The following B4GALNT4 variants were observed in gnomAD, a reference collection of about 807,000 sequenced individuals.
B4GALNT4 encodes the protein N-acetyl-beta-glucosaminyl-glycoprotein 4-beta-N-acetylgalactosaminyltransferase 1.
In B4GALNT4, 77 loss-of-function variants were observed where a neutral mutation model predicts 110.0. That is an observed-to-expected ratio of 0.70 (90% CI 0.58 to 0.85). The LOEUF is 0.85. Among genes scored for constraint, B4GALNT4 ranks in the 40% least tolerant of loss-of-function variants. The pLI, the probability that B4GALNT4 is intolerant of heterozygous loss-of-function variation, is 0.00. For synonymous variants in B4GALNT4, 785 were observed against 655.5 expected, an observed-to-expected ratio of 1.20 and a Z score of -3.02; for missense variants, 1,575 against 1,506.0, an observed-to-expected ratio of 1.05 and a Z score of -0.76.
chr11:374,087 C>T (rs144724187), intron 8 of B4GALNT4, among the ~76,000 whole-genome samples: 21 of 151,166 alleles, frequency 1.4e-4, no homozygotes, highest in African/African-American at 3.9e-4. Flanking sequence ...GTGGGGTGTA[C>T]GGCGGATGAA....
chr11:381,592 C>A, intron 19 of B4GALNT4, 77 bp from the exon 20 acceptor site: 1 of 1,191,628 alleles, frequency 8.4e-7, no homozygotes, highest in Non-Finnish European at 1.1e-6. Context: ...CACCTCTCCG[C>A]CCCCGGCCCC....
chr11:376,549 C>T lies in B4GALNT4; in HGVS notation c.1426C>T (p.Pro476Ser). ...CGCCCAGCCCGGAGCCACCCTCGCCCCGCCGACCCCTCCCCGCCCCCGGGA... is the reference window on the plus strand; with the variant it reads ...CGCCCAGCCCGGAGCCACCCTCGCCTCGCCGACCCCTCCCCGCCCCCGGGA... Reference protein sequence around the residue: ...APAQPGATLAPPTPPRPRDGG... With the variant: ...APAQPGATLASPTPPRPRDGG... The change falls in exon 14 of 20, where the codon CCG becomes TCG. Residue 476 changes from proline (P) to serine (S), a missense_variant. Coordinates refer to ENST00000329962, the MANE Select transcript of B4GALNT4 (RefSeq NM_178537.5). 4 of 1,381,742 alleles carry T rather than the reference C, an allele frequency of 2.9e-6. No homozygotes were observed. Among genetic ancestry groups the T allele is most frequent in the Non-Finnish European group, 3.7e-6 (4 of 1,078,436 alleles). The allele number at this position is 1,381,742 out of a possible 1,614,324, so 85.6% of individuals were successfully genotyped here. A position where few individuals can be genotyped will look rare whatever the true frequency, so the allele number is the denominator to read the frequency against.
Position 373,843 on chromosome 11 carries a change from C to A in B4GALNT4, c.783+15C>A, listed in dbSNP as rs1382497237. The A allele has an allele frequency of 1.2e-6, 2 of 1,610,530 alleles. No individual in the cohort carries two copies. Among genetic ancestry groups the A allele is most frequent in the African/African-American group, 1.3e-5 (1 of 74,884 alleles). ...TGGAAGTGGGCGTGAGTGCCTTCCT[C>A]CCCTGGGGGCTTCTGGAGACTCCAC... On this transcript the variant is annotated intron_variant, in intron 8 of 19. Coordinates refer to ENST00000329962, the MANE Select transcript of B4GALNT4 (RefSeq NM_178537.5).
intron 14 of B4GALNT4, among the ~76,000 whole-genome samples, chr11:377,794 C>G (rs1023957168): frequency 6.6e-6 from 1 of 152,238 alleles, no homozygotes; most frequent in Non-Finnish European, 1.5e-5. Context: ...TGTCAGGACC[C>G]GACTGCAGAG....
chr11:376,884 G>T lies in B4GALNT4; in HGVS notation c.1761G>T (p.Pro587=). ...CCGGCGGCCCCCAGGCCACACAGCCGAGGCCCCCAGCCCGGGCGCAGGCCA... is the reference window on the plus strand; with the variant it reads ...CCGGCGGCCCCCAGGCCACACAGCCTAGGCCCCCAGCCCGGGCGCAGGCCA... ...RRTGGPQATQ[P]RPPARAQATQ... The change falls in exon 14 of 20, where the codon CCG becomes CCT. Residue 587 remains proline (P), a synonymous_variant. Transcript: ENST00000329962. 1 of 1,350,144 alleles carries T rather than the reference G, an allele frequency of 7.4e-7. No homozygotes were observed. The highest frequency in any genetic ancestry group is 9.5e-7 in the Non-Finnish European group (1 of 1,053,772). 83.6% of individuals were successfully genotyped at this position (1,350,144 alleles called of 1,614,324 possible).
chr11:373,419 C>CCCA lies in B4GALNT4; in HGVS notation c.637-30_637-29insCCA, dbSNP rs10624593. On this transcript the variant is annotated intron_variant, in intron 6 of 19. Coordinates refer to ENST00000329962, the MANE Select transcript of B4GALNT4 (RefSeq NM_178537.5). ...CAGGGAGAGAGTGAACCCCCCCCCC[C>CCCA]ACCACCACCCCTGCTCTATCACCCC... 17 of 1,084,218 alleles carry CCCA rather than the reference C, an allele frequency of 1.6e-5. 2 individuals are homozygous for CCCA. Among genetic ancestry groups the CCCA allele is most frequent in the African/African-American group, 1.3e-4 (6 of 46,184 alleles). The allele number at this position is 1,084,218 out of a possible 1,614,324, so 67.2% of individuals were successfully genotyped here. A position where few individuals can be genotyped will look rare whatever the true frequency, so the allele number is the denominator to read the frequency against.
rs1035690036 is a variant in B4GALNT4, at chr11:376,172, G to A, written c.1194G>A (p.Glu398=). ...CFYRESPLYL[E]RFGFYKYMKM... The stretch of plus-strand genomic sequence containing the variant: ...ACCGCGAGTCTCCGCTGTATCTGGA[G>A]AGGTGGGCGCGCGGCCGGGCTAATG... The change falls in exon 12 of 20, where the codon GAG becomes GAA. Residue 398 remains glutamate, a splice_region_variant and synonymous_variant. Transcript: ENST00000329962. 1 of 1,610,450 alleles carries A rather than the reference G, an allele frequency of 6.2e-7. No homozygotes were observed. The highest frequency in any genetic ancestry group is 1.1e-5 in the South Asian group (1 of 90,982).
Position 372,123 on chromosome 11 carries a change from A to C in B4GALNT4, c.166A>C (p.Thr56Pro). The change falls in exon 2 of 20, where the codon ACC becomes CCC. Residue 56 changes from threonine to proline, a missense_variant. Transcript: ENST00000329962. Reference protein sequence around the residue: ...LGYGRDGEKLTSETDGRGVHA... With the variant: ...LGYGRDGEKLPSETDGRGVHA... ...GCCACCTGCAGATGGTGAGAAGCTGACCAGTGAGACCGACGGCCGGGGGGT... is the reference window on the plus strand; with the variant it reads ...GCCACCTGCAGATGGTGAGAAGCTGCCCAGTGAGACCGACGGCCGGGGGGT... 1.3e-6 allele frequency: 2 copies of C among 1,549,430 alleles called. No homozygotes were observed. The highest frequency in any genetic ancestry group is 1.7e-6 in the Non-Finnish European group (2 of 1,146,788).
intron 15 of B4GALNT4, 68 bp downstream of exon 15, chr11:379,769 A>G: frequency 2.0e-6 from 3 of 1,506,396 alleles, no homozygotes; most frequent in Non-Finnish European, 2.7e-6. Flanking sequence ...ATGACTAGGA[A>G]AGGGTGTGGG....
rs755853527 is a variant in B4GALNT4 at position 376,656 on chromosome 11, T to C, written c.1533T>C (p.Ala511=). Residue 511 remains alanine, a synonymous_variant, in exon 14 of 20, where the codon GCT becomes GCC. Transcript: ENST00000329962. ...ARPLPLFLGR[A]PPPRPAVEQP... is the part of the protein sequence containing the mutation. Reference sequence around the variant, plus strand: ...CTTTGCCGCTCTTCTTGGGCCGAGCTCCGCCCCCGCGCCCTGCAGTGGAGC... The same window carrying C: ...CTTTGCCGCTCTTCTTGGGCCGAGCCCCGCCCCCGCGCCCTGCAGTGGAGC... 9.9e-5 allele frequency: 141 copies of C among 1,429,178 alleles called. No homozygotes were observed. Among genetic ancestry groups the C allele is most frequent in the Non-Finnish European group, 1.2e-4 (132 of 1,093,606 alleles). The allele number at this position is 1,429,178 out of a possible 1,614,324, so 88.5% of individuals were successfully genotyped here. A position where few individuals can be genotyped will look rare whatever the true frequency, so the allele number is the denominator to read the frequency against.
chr11:375,669 C>T lies in B4GALNT4; in HGVS notation c.881C>T (p.Ala294Val). Residue 294 changes from alanine (A) to valine (V), a missense_variant, in exon 10 of 20, where the codon GCG becomes GTG. Coordinates refer to ENST00000329962, the MANE Select transcript of B4GALNT4 (RefSeq NM_178537.5). ...DESALKMDHV[A>V]HVPQSPASHV... ...TCAGCCTTGAAGATGGACCACGTGG[C>T]GCACGTCCCCCAGTCTCCAGCCAGC... is the stretch of plus-strand genomic sequence containing the variant. The T allele has an allele frequency of 6.3e-7, 1 of 1,591,068 alleles. No homozygotes were observed. The highest frequency in any genetic ancestry group is 8.5e-7 in the Non-Finnish European group (1 of 1,173,230).
At chr11:370,017 C>CGT (rs1846585864) in intron 1 of B4GALNT4, 63 bp downstream of exon 1, 1 of 59,662 alleles carries the variant, frequency 1.7e-5, no homozygotes, top group Non-Finnish European at 3.3e-5. Context: ...GCGGGGGGCG[C>CGT]GGGCGGCGCG....
rs772966178 is a variant in B4GALNT4, at chr11:380,494, G to A, written c.2869+49G>A. ...TGTGATACCAGGGTTCCCACCAACC[G>A]CCGCGGTAAAGTCCAGGAACCCGGG... On this transcript the variant is annotated intron_variant, in intron 18 of 19. Coordinates refer to ENST00000329962, the MANE Select transcript of B4GALNT4 (RefSeq NM_178537.5). 4.5e-6 allele frequency: 7 copies of A among 1,538,798 alleles called. No individual in the cohort carries two copies. The African/African-American group carries it at 6.9e-5, about 15-fold the overall frequency.
rs755329471 is a variant in B4GALNT4, at chr11:377,132, C to G, written c.2009C>G (p.Pro670Arg). 6 of 1,511,142 alleles carry G rather than the reference C, an allele frequency of 4.0e-6. No homozygotes were observed. The highest frequency in any genetic ancestry group is 5.3e-6 in the Non-Finnish European group (6 of 1,130,876). The allele number at this position is 1,511,142 out of a possible 1,614,324, so 93.6% of individuals were successfully genotyped here. A position where few individuals can be genotyped will look rare whatever the true frequency, so the allele number is the denominator to read the frequency against. ...ASEDSEEAAG[P>R]ALGRWREDAI... ...GAGGACAGCGAGGAGGCCGCGGGCC[C>G]GGCGCTCGGACGCTGGCGTGAGGAC... The change falls in exon 14 of 20, where the codon CCG becomes CGG. Residue 670 changes from proline to arginine, a missense_variant. Coordinates refer to ENST00000329962, the MANE Select transcript of B4GALNT4 (RefSeq NM_178537.5).
intron 9 of B4GALNT4, 27 bp downstream of exon 9, chr11:375,554 G>T: frequency 6.2e-7 from 1 of 1,607,190 alleles, no homozygotes; most frequent in East Asian, 2.2e-5. Context: ...CTGGGGATGT[G>T]GGGCTCCTCG....
rs1437706935 is a variant in B4GALNT4, at chr11:372,128, T to C, written c.171T>C (p.Ser57=). ...GYGRDGEKLT[S]ETDGRGVHAA... ...CTGCAGATGGTGAGAAGCTGACCAG[T>C]GAGACCGACGGCCGGGGGGTCCACG... is the stretch of plus-strand genomic sequence containing the variant. The change falls in exon 2 of 20, where the codon AGT becomes AGC. Residue 57 remains serine, a synonymous_variant. Coordinates refer to ENST00000329962, the MANE Select transcript of B4GALNT4 (RefSeq NM_178537.5). The C allele has an allele frequency of 6.5e-7, 1 of 1,549,292 alleles. No homozygotes were observed. Among genetic ancestry groups the C allele is most frequent in the Admixed American group, 2.0e-5 (1 of 50,990 alleles).
Position 373,236 on chromosome 11 carries a change from G to A in B4GALNT4, c.581G>A (p.Trp194Ter). The A allele has an allele frequency of 6.2e-7, 1 of 1,612,200 alleles. No individual in the cohort carries two copies. The highest frequency in any genetic ancestry group is 8.5e-7 in the Non-Finnish European group (1 of 1,179,576). ...SVASDDNSEF[W>*]LSLDESPAAA... Reference sequence around the variant, plus strand: ...GCCTCAGACGACAACTCGGAGTTCTGGCTGAGTCTGGACGAGAGCCCTGCT... The same window carrying A: ...GCCTCAGACGACAACTCGGAGTTCTAGCTGAGTCTGGACGAGAGCCCTGCT... Residue 194 changes from tryptophan (W) to a stop codon, truncating the protein, a stop_gained, in exon 6 of 20, where the codon TGG becomes TAG. Transcript: ENST00000329962. LOFTEE classifies it high-confidence loss of function.
At position 369,786 on chromosome 11, in the gene B4GALNT4, G is replaced by T. The variant is rs960001675; in HGVS notation, c.-18G>T. ...GCGGCGCCGCTGAGCGCGGCCTGGG[G>T]CGGGCGCGGCGGCCGCGATGCCGCG... On this transcript the variant is annotated 5_prime_UTR_variant, in exon 1 of 20. Transcript: ENST00000329962. The T allele has an allele frequency of 1.1e-5, 11 of 977,340 alleles. No individual in the cohort carries two copies. The Admixed American group carries it at 5.8e-4, about 51-fold the overall frequency. 60.5% of individuals were successfully genotyped at this position (977,340 alleles called of 1,614,324 possible).
rs756988266 is a variant in B4GALNT4 at position 372,742 on chromosome 11, A to C, written c.336A>C (p.Pro112=). 45 of 1,468,902 alleles carry C rather than the reference A, an allele frequency of 3.1e-5. No individual in the cohort carries two copies. The highest frequency in any genetic ancestry group is 4.0e-5 in the Non-Finnish European group (44 of 1,102,056). The allele number at this position is 1,468,902 out of a possible 1,614,324, so 91.0% of individuals were successfully genotyped here. The part of the protein sequence containing the change: ...LPLNFTHQTP[P]WREEYKGQVN... ...TGAACTTCACCCATCAGACACCCCC[A>C]TGGCGGGAGGAGGTGAGCTGGCTCG... Residue 112 remains proline, a synonymous_variant, in exon 3 of 20, where the codon CCA becomes CCC. Coordinates refer to ENST00000329962, the MANE Select transcript of B4GALNT4 (RefSeq NM_178537.5).
Sources: allele counts gnomAD v4.1 joint callset (sites outside exome capture counted in the v4.1 genomes callset), GRCh38; gene constraint gnomAD v4.1.1; transcripts MANE v1.5; gene names NCBI Gene and HGNC (gene_info 2026-07-23, HGNC 2026-07-21).